Variants in NPFFR2 observed in about 807,000 individuals in gnomAD.
The protein encoded by NPFFR2 is G-protein coupled receptor 74.
A neutral mutation model predicts 13.1 loss-of-function variants in NPFFR2; 15 were observed. The observed-to-expected ratio is 1.15, with a 90% CI of 0.77 to 1.76. The LOEUF (loss-of-function observed/expected upper bound fraction) is 1.76. NPFFR2 is among the 40% of genes most tolerant of loss of function. NPFFR2 has a pLI of 0.00. For missense variants in NPFFR2, 572 were observed against 503.5 expected, an observed-to-expected ratio of 1.14 and a Z score of -1.30; for synonymous variants, 190 against 175.7, an observed-to-expected ratio of 1.08 and a Z score of -0.65.
chr4:72,091,679 A>G (rs1398338840), intron 1 of NPFFR2, among the ~76,000 whole-genome samples: 1 of 152,148 alleles, frequency 6.6e-6, no homozygotes, highest in African/African-American at 2.4e-5. Flanking sequence ...CGGTTGTAAT[A>G]TATCCTGTTT....
At chr4:72,062,502 A>G (rs1243183379) in intron 1 of NPFFR2, among the ~76,000 whole-genome samples, 1 of 139,644 alleles carries the variant, frequency 7.2e-6, no homozygotes, top group African/African-American at 2.6e-5. Flanking sequence ...ATTCAAGACT[A>G]GGTATACTGT....
chr4:72,116,553 C>G (rs1721719201), intron 1 of NPFFR2, among the ~76,000 whole-genome samples: 1 of 151,838 alleles, frequency 6.6e-6, no homozygotes, highest in African/African-American at 2.4e-5. Context: ...GCACACGTAC[C>G]CCTGAACCTA....
chr4:72,147,345 T>A lies in NPFFR2; in HGVS notation c.796T>A (p.Ser266Thr). The change falls in exon 4 of 4, where the codon TCC becomes ACC. Residue 266 changes from serine (S) to threonine (T), a missense_variant. By Grantham distance (58) the Ser-to-Thr change is moderately conservative. Coordinates refer to ENST00000308744, the MANE Select transcript of NPFFR2 (RefSeq NM_004885.3). ...GAACCAGGAGCAGTGGCACGTGGTG[T>A]CCAGGAAGAAGCAGAAGATCATTAA... ...RKNQEQWHVV[S>T]RKKQKIIKML... 2 of 1,614,088 alleles carry A rather than the reference T, an allele frequency of 1.2e-6. No homozygotes were observed. The highest frequency in any genetic ancestry group is 1.7e-6 in the Non-Finnish European group (2 of 1,180,002).
intron 3 of NPFFR2, among the ~76,000 whole-genome samples, chr4:72,143,579 A>C (rs1448084954): frequency 6.6e-6 from 1 of 152,156 alleles, no homozygotes; most frequent in East Asian, 1.9e-4. Flanking sequence ...TTATCCAGAA[A>C]CACTTTTATA....
At chr4:72,109,632 T>G (rs1721508497) in intron 1 of NPFFR2, among the ~76,000 whole-genome samples, 2 of 151,948 alleles carry the variant, frequency 1.3e-5, no homozygotes, top group Non-Finnish European at 2.9e-5. Context: ...CTCTTCTGAG[T>G]CAACAACTAG....
intron 3 of NPFFR2, among the ~76,000 whole-genome samples, chr4:72,145,919 A>T (rs1722767423): frequency 6.6e-6 from 1 of 152,206 alleles, no homozygotes; most frequent in African/African-American, 2.4e-5. Flanking sequence ...GATTAACATA[A>T]TGAAATTCAA....
At chr4:72,043,915 C>T (rs183085876) in intron 1 of NPFFR2, among the ~76,000 whole-genome samples, 1 of 152,212 alleles carries the variant, frequency 6.6e-6, no homozygotes, top group East Asian at 1.9e-4. Context: ...CATGGTTTGG[C>T]TGTGTCCCCA....
intron 1 of NPFFR2, among the ~76,000 whole-genome samples, chr4:72,096,983 T>C (rs1269053698): frequency 6.6e-6 from 1 of 152,020 alleles, no homozygotes; most frequent in Non-Finnish European, 1.5e-5. Flanking sequence ...CAATTTAGAA[T>C]GTAAAATAAT....
chr4:72,107,109 T>C (rs926417063), intron 1 of NPFFR2, among the ~76,000 whole-genome samples: 1 of 151,824 alleles, frequency 6.6e-6, no homozygotes, highest in Non-Finnish European at 1.5e-5. Context: ...TCATCACTTA[T>C]AGCTGTTTAT....
intron 1 of NPFFR2, among the ~76,000 whole-genome samples, chr4:72,081,277 A>T (rs1294852748): frequency 6.6e-6 from 1 of 152,174 alleles, no homozygotes; most frequent in Admixed American, 6.5e-5. Flanking sequence ...TATACAACAG[A>T]ATTGAGTAGT....
In NPFFR2 at chr4:72,054,650, A is replaced by G. The variant is rs28548744; in HGVS notation, c.-8+22450A>G. 8.0e-3 allele frequency among the ~76,000 whole-genome samples: 1,210 copies of G among 152,024 alleles called. 8 individuals carry two copies. Among genetic ancestry groups the G allele is most frequent in the African/African-American group, 0.017 (698 of 41,520 alleles). ...CAATTAACTTTATCAAAACTTAAAGAAACAATTTTTTTGCTCTCTGAAAGA... is the reference window on the plus strand; with the variant it reads ...CAATTAACTTTATCAAAACTTAAAGGAACAATTTTTTTGCTCTCTGAAAGA... On this transcript the variant is annotated intron_variant, in intron 1 of 3. Coordinates refer to ENST00000308744, the MANE Select transcript of NPFFR2 (RefSeq NM_004885.3).
chr4:72,085,180 A>T (rs1330325322), intron 1 of NPFFR2, among the ~76,000 whole-genome samples: 1 of 152,178 alleles, frequency 6.6e-6, no homozygotes, highest in Non-Finnish European at 1.5e-5. Flanking sequence ...TATTTTCCAC[A>T]TTCTTCAGCC....
chr4:72,043,770 C>T (rs934724732), intron 1 of NPFFR2, among the ~76,000 whole-genome samples: 4 of 152,070 alleles, frequency 2.6e-5, no homozygotes, highest in African/African-American at 9.7e-5. Flanking sequence ...CTTGCCTTGT[C>T]TCAGATGAGA....
At chr4:72,125,350 T>C (rs1226431218) in intron 1 of NPFFR2, among the ~76,000 whole-genome samples, 3 of 152,122 alleles carry the variant, frequency 2.0e-5, no homozygotes, top group Non-Finnish European at 4.4e-5. Flanking sequence ...AGTTCAACCA[T>C]TGTGGAAAAG....
intron 1 of NPFFR2, among the ~76,000 whole-genome samples, chr4:72,112,497 C>A (rs1268126983): frequency 6.6e-6 from 1 of 151,974 alleles, no homozygotes; most frequent in Non-Finnish European, 1.5e-5. Flanking sequence ...TCATCATCAT[C>A]TCCTAAATAT....
chr4:72,115,301 A>G (rs1330511234), intron 1 of NPFFR2, among the ~76,000 whole-genome samples: 1 of 152,166 alleles, frequency 6.6e-6, no homozygotes, highest in South Asian at 2.1e-4. Context: ...CACTTTCAAT[A>G]AGTCTTATCA....
At chr4:72,076,388 G>T (rs531206076) in intron 1 of NPFFR2, among the ~76,000 whole-genome samples, 3 of 151,968 alleles carry the variant, frequency 2.0e-5, no homozygotes, top group African/African-American at 7.2e-5. Flanking sequence ...AACAAAAGTT[G>T]ATTTTTATGT....
chr4:72,038,319 A>C (rs141672214), intron 1 of NPFFR2, among the ~76,000 whole-genome samples: 516 of 152,270 alleles, frequency 3.4e-3, no homozygotes, highest in Middle Eastern at 6.8e-3. Context: ...TTATTCCCCA[A>C]AATGAAATAT....
intron 1 of NPFFR2, among the ~76,000 whole-genome samples, chr4:72,104,062 C>T (rs13129169): frequency 0.27 from 40,741 of 151,812 alleles, 5,812 homozygotes; most frequent in Middle Eastern, 0.36. Context: ...ATGAAGAAGT[C>T]CAGAAATTGT....
Sources: gnomAD v4.1 joint callset for allele counts (sites outside exome capture counted in the v4.1 genomes callset) on GRCh38, gnomAD v4.1.1 for gene constraint, MANE v1.5 for transcripts, NCBI Gene and HGNC (gene_info 2026-07-23, HGNC 2026-07-21) for gene names.